The following JAKMIP1 variants were observed in gnomAD, a reference collection of about 807,000 sequenced individuals.
JAKMIP1 encodes janus kinase and microtubule-interacting protein 1.
Under a neutral mutation model 113.0 loss-of-function variants are expected in JAKMIP1, and 33 were observed. The ratio of observed to expected loss-of-function variants is 0.29; its 90% confidence interval spans 0.22 to 0.39. The LOEUF (loss-of-function observed/expected upper bound fraction) is 0.39, where lower values mean the gene tolerates loss of function less well. Ranked by LOEUF, JAKMIP1 falls within the 10% of genes least tolerant of loss-of-function variation. The pLI, the probability that JAKMIP1 is intolerant of heterozygous loss-of-function variation, is 1.00. For synonymous variants in JAKMIP1, 480 were observed against 459.9 expected, an observed-to-expected ratio of 1.04 and a Z score of -0.56; for missense variants, 813 against 1,080.5, an observed-to-expected ratio of 0.75 and a Z score of 3.47.
intron 1 of JAKMIP1, among the ~76,000 whole-genome samples, chr4:6,198,417 G>T (rs1484020679): frequency 6.6e-6 from 1 of 152,144 alleles, no homozygotes; most frequent in Non-Finnish European, 1.5e-5. Context: ...GCAGGGAGAG[G>T]GGAGAGATGG....
intron 1 of JAKMIP1, among the ~76,000 whole-genome samples, chr4:6,126,583 C>T (rs1717689569): frequency 6.8e-6 from 1 of 147,768 alleles, no homozygotes; most frequent in Non-Finnish European, 1.5e-5. Context: ...CACACGCACA[C>T]ACACCATGCA....
At chr4:6,198,422 A>G (rs1224469527) in intron 1 of JAKMIP1, among the ~76,000 whole-genome samples, 1 of 150,868 alleles carries the variant, frequency 6.6e-6, no homozygotes. Context: ...GAGAGGGGAG[A>G]GATGGGCTGG....
At position 6,140,850 on chromosome 4, in the gene JAKMIP1, G is replaced by C. The variant is rs1007366563; in HGVS notation, c.-147-27853C>G. ...GACCTCAGGTCAGCCACAGGCACTG[G>C]TTGGAGCTCATCTGTCCTCAGCACA... On this transcript the variant is annotated intron_variant, in intron 1 of 20. Coordinates refer to ENST00000409021, the MANE Select transcript of JAKMIP1 (RefSeq NM_001099433.2). The surrounding 1 kb of genome is among the most constrained non-coding windows in gnomAD (Gnocchi z 9.4). Among the ~76,000 whole-genome samples, 1 of 152,206 alleles carries C rather than the reference G, an allele frequency of 6.6e-6. No homozygotes were observed. The highest frequency in any genetic ancestry group is 2.4e-5 in the African/African-American group (1 of 41,430).
chr4:6,083,702 C>A (rs1482262647), intron 5 of JAKMIP1, among the ~76,000 whole-genome samples: 1 of 151,668 alleles, frequency 6.6e-6, no homozygotes, highest in African/African-American at 2.4e-5. Flanking sequence ...ACACTTTTCA[C>A]CACTCATTTT....
Position 6,136,885 on chromosome 4 carries a change from C to T in JAKMIP1, c.-147-23888G>A, listed in dbSNP as rs1324090103. Among the ~76,000 whole-genome samples the T allele has an allele frequency of 6.6e-6, 1 of 152,184 alleles. No individual in the cohort carries two copies. ...ACCCATCACATAACAGGCATTTAGA[C>T]ACAGTTGCGTTGAAGTTTGGCAAGC... On this transcript the variant is annotated intron_variant, in intron 1 of 20. Transcript: ENST00000409021. The surrounding 1 kb of genome is among the most constrained non-coding windows in gnomAD (Gnocchi z 5.9).
chr4:6,183,097 G>A lies in JAKMIP1; in HGVS notation c.-148+17156C>T, dbSNP rs1726228191. 2.0e-5 allele frequency among the ~76,000 whole-genome samples: 3 copies of A among 152,184 alleles called. No individual in the cohort carries two copies. Among genetic ancestry groups the A allele is most frequent in the East Asian group, 3.8e-4 (2 of 5,198 alleles). ...CTTGAAGGTTGAGACAGAACAAAGAGCTAAACATGATACAGGCAGATAACA... is the reference window on the plus strand; with the variant it reads ...CTTGAAGGTTGAGACAGAACAAAGAACTAAACATGATACAGGCAGATAACA... On this transcript the variant is annotated intron_variant, in intron 1 of 20. Coordinates refer to ENST00000409021, the MANE Select transcript of JAKMIP1 (RefSeq NM_001099433.2). This position sits in a 1 kb window ranked among gnomAD's most constrained non-coding sequence, Gnocchi z 5.3.
At chr4:6,104,761 T>G (rs1018001098) in intron 3 of JAKMIP1, among the ~76,000 whole-genome samples, 1 of 152,254 alleles carries the variant, frequency 6.6e-6, no homozygotes, top group African/African-American at 2.4e-5. Flanking sequence ...GCTGTCATTC[T>G]GCCTTTCCAG....
At chr4:6,145,721 G>A (rs146446422) in intron 1 of JAKMIP1, among the ~76,000 whole-genome samples, 10 of 152,262 alleles carry the variant, frequency 6.6e-5, no homozygotes, top group African/African-American at 2.2e-4. Context: ...TCTGGAGGCT[G>A]GGCATCTAAG....
intron 8 of JAKMIP1, among the ~76,000 whole-genome samples, chr4:6,073,418 C>T (rs1719260358): frequency 6.6e-6 from 1 of 152,312 alleles, no homozygotes; most frequent in African/African-American, 2.4e-5. Context: ...CAAGAAAGGG[C>T]CTCTCCTTCC....
At chr4:6,159,850 G>A (rs192876584) in intron 1 of JAKMIP1, among the ~76,000 whole-genome samples, 1 of 152,286 alleles carries the variant, frequency 6.6e-6, no homozygotes, top group East Asian at 1.9e-4. Flanking sequence ...CCTGGCAAGA[G>A]ACTGGTTAAA....
chr4:6,078,591 T>C (rs1720025813), intron 8 of JAKMIP1, among the ~76,000 whole-genome samples: 2 of 152,140 alleles, frequency 1.3e-5, no homozygotes, highest in South Asian at 4.1e-4. Flanking sequence ...CCTGATTTTT[T>C]TAGAACAGGA....
In JAKMIP1 at chr4:6,060,942, C is replaced by T. The variant is rs78549982; in HGVS notation, c.1561-435G>A. 9.1e-4 allele frequency among the ~76,000 whole-genome samples: 138 copies of T among 152,338 alleles called. 3 individuals are homozygous for T. The East Asian group carries it at 0.025, about 28-fold the overall frequency. Reference sequence around the variant, plus strand: ...AATTGCATAGCCCCTGGCCCAGGCCCCTTATCACCTGCAGCAGGAGCTGCA... The same window carrying T: ...AATTGCATAGCCCCTGGCCCAGGCCTCTTATCACCTGCAGCAGGAGCTGCA... On this transcript the variant is annotated intron_variant, in intron 10 of 20. Transcript: ENST00000409021.
At chr4:6,098,500 AGAAAG>A (rs1285047514) in intron 3 of JAKMIP1, among the ~76,000 whole-genome samples, 1 of 147,928 alleles carries the variant, frequency 6.8e-6, no homozygotes. Flanking sequence ...GAGAAAGAAA[AGAAAG>A]GAAAGGAAGG....
chr4:6,103,341 A>T (rs946267799), intron 3 of JAKMIP1, among the ~76,000 whole-genome samples: 2 of 152,302 alleles, frequency 1.3e-5, no homozygotes, highest in Admixed American at 1.3e-4. Context: ...GCCAATCTTT[A>T]TATTTTCAGA....
chr4:6,092,240 T>C (rs888257843), intron 3 of JAKMIP1, among the ~76,000 whole-genome samples: 2 of 151,870 alleles, frequency 1.3e-5, no homozygotes, highest in African/African-American at 4.8e-5. Flanking sequence ...ACAGCCTGCA[T>C]GCAGAGGAGC....
In JAKMIP1 at chr4:6,138,137, C is replaced by G. The variant is rs1719532755; in HGVS notation, c.-147-25140G>C. Reference sequence around the variant, plus strand: ...CACTACTGGCACCTACTTCCCTGTGCTCCGTCCCTCTACTTAAAGTAGCTG... The same window carrying G: ...CACTACTGGCACCTACTTCCCTGTGGTCCGTCCCTCTACTTAAAGTAGCTG... On this transcript the variant is annotated intron_variant, in intron 1 of 20. Coordinates refer to ENST00000409021, the MANE Select transcript of JAKMIP1 (RefSeq NM_001099433.2). The surrounding 1 kb of genome is among the most constrained non-coding windows in gnomAD (Gnocchi z 6.0). 6.6e-6 allele frequency among the ~76,000 whole-genome samples: 1 copy of G among 152,252 alleles called. No homozygotes were observed. The highest frequency in any genetic ancestry group is 6.5e-5 in the Admixed American group (1 of 15,290).
rs1043074330 is a variant in JAKMIP1 at position 6,184,974 on chromosome 4, C to T, written c.-148+15279G>A. Among the ~76,000 whole-genome samples the T allele has an allele frequency of 6.6e-6, 1 of 152,188 alleles. No individual in the cohort carries two copies. The highest frequency in any genetic ancestry group is 1.9e-4 in the East Asian group (1 of 5,194). ...AGTCTTCCGGCCTCCATCTTTCTCC[C>T]GTGCTGGATGCTTCCTCCCCTCGAA... On this transcript the variant is annotated intron_variant, in intron 1 of 20. Coordinates refer to ENST00000409021, the MANE Select transcript of JAKMIP1 (RefSeq NM_001099433.2). The surrounding 1 kb of genome is among the most constrained non-coding windows in gnomAD (Gnocchi z 4.5).
At position 6,200,393 on chromosome 4, in the gene JAKMIP1, G is replaced by C. The variant is rs1212069551; in HGVS notation, c.-288C>G. 6.6e-6 allele frequency: 1 copy of C among 152,630 alleles called. No homozygotes were observed. Among genetic ancestry groups the C allele is most frequent in the East Asian group, 1.9e-4 (1 of 5,160 alleles). The allele number at this position is 152,630 out of a possible 1,614,324, so 9.5% of individuals were successfully genotyped here. ...GCCACCGCCTTAAAAAGGACAAAAC[G>C]GAACAGAAAATGAATGCATGCACAA... On this transcript the variant is annotated 5_prime_UTR_variant, in exon 1 of 21. Coordinates refer to ENST00000409021, the MANE Select transcript of JAKMIP1 (RefSeq NM_001099433.2). The surrounding 1 kb of genome is among the most constrained non-coding windows in gnomAD (Gnocchi z 7.0).
chr4:6,103,599 G>A (rs1430939261), intron 3 of JAKMIP1, among the ~76,000 whole-genome samples: 2 of 152,182 alleles, frequency 1.3e-5, no homozygotes, highest in Non-Finnish European at 2.9e-5. Flanking sequence ...TTAAACACTT[G>A]AAAGAATTTA....
Sources: gnomAD v4.1 joint callset for allele counts (sites outside exome capture counted in the v4.1 genomes callset) on GRCh38, gnomAD v4.1.1 for gene constraint, Gnocchi (gnomAD v3.1) non-coding constraint, MANE v1.5 for transcripts, NCBI Gene and HGNC (gene_info 2026-07-23, HGNC 2026-07-21) for gene names.